BCR: variants seen among roughly 807,000 people sequenced by gnomAD.
BCR encodes BCR activator of RhoGEF and GTPase, also known as breakpoint cluster region protein.
Under a neutral mutation model 138.6 loss-of-function variants are expected in BCR, and 58 were observed. The ratio of observed to expected loss-of-function variants is 0.42; its 90% confidence interval spans 0.34 to 0.52. The LOEUF (loss-of-function observed/expected upper bound fraction) is 0.52. Among genes scored for constraint, BCR ranks in the 20% least tolerant of loss-of-function variants. The pLI is 0.06. For synonymous variants in BCR, 786 were observed against 730.1 expected, an observed-to-expected ratio of 1.08 and a Z score of -1.23; for missense variants, 1,599 against 1,727.2, an observed-to-expected ratio of 0.93 and a Z score of 1.32.
chr22:23,266,514 C>G (rs1167639544), intron 4 of BCR, among the ~76,000 whole-genome samples: 3 of 152,106 alleles, frequency 2.0e-5, no homozygotes, highest in South Asian at 2.1e-4. Context: ...CTCAGCCTCC[C>G]GAGTGGCTGG....
At chr22:23,286,542 C>T (rs1207897173) in intron 10 of BCR, among the ~76,000 whole-genome samples, 3 of 152,150 alleles carry the variant, frequency 2.0e-5, no homozygotes, top group Non-Finnish European at 4.4e-5. Context: ...GCAGCTGAGC[C>T]CTATTGACTG....
At chr22:23,211,586 A>G (rs1003486556) in intron 1 of BCR, among the ~76,000 whole-genome samples, 20 of 151,930 alleles carry the variant, frequency 1.3e-4, no homozygotes, top group African/African-American at 4.4e-4. Flanking sequence ...GCCGGGTTCA[A>G]GGATTCTCCT....
chr22:23,310,106 G>T, intron 17 of BCR: 2 of 510,194 alleles, frequency 3.9e-6, no homozygotes, highest in Non-Finnish European at 3.7e-6. Flanking sequence ...GATTTTAGGA[G>T]GTGCTTCTGC....
intron 4 of BCR, chr22:23,263,930 AC>A: frequency 1.1e-6 from 1 of 928,358 alleles, no homozygotes; most frequent in Non-Finnish European, 1.8e-6. Flanking sequence ...GGCACTTCTC[AC>A]CCCTGAAAAT....
At chr22:23,263,093 A>T in intron 4 of BCR, 2 of 703,286 alleles carry the variant, frequency 2.8e-6, no homozygotes, top group Non-Finnish European at 4.6e-6. Flanking sequence ...TACAAGGACA[A>T]GGAGGTCAGG....
chr22:23,240,771 A>G (rs1411337041), intron 1 of BCR, among the ~76,000 whole-genome samples: 3 of 152,158 alleles, frequency 2.0e-5, no homozygotes, highest in African/African-American at 7.2e-5. Context: ...ACCTGTCACT[A>G]CTGTCCATCT....
At chr22:23,273,047 T>C in intron 6 of BCR, 34 bp from the exon 7 acceptor site, 2 of 1,608,422 alleles carry the variant, frequency 1.2e-6, no homozygotes, top group East Asian at 2.2e-5. Context: ...CTTCTCCATG[T>C]GCAACCTCTC....
intron 1 of BCR, among the ~76,000 whole-genome samples, chr22:23,197,242 C>CAATA (rs1223639727): frequency 1.3e-5 from 2 of 152,152 alleles, no homozygotes; most frequent in African/African-American, 4.8e-5. Flanking sequence ...AGCCTAGGAG[C>CAATA]AATAGGCTGT....
intron 1 of BCR, among the ~76,000 whole-genome samples, chr22:23,215,540 C>A (rs2072741748): frequency 6.6e-6 from 1 of 152,228 alleles, no homozygotes; most frequent in Admixed American, 6.5e-5. Flanking sequence ...GCCAAGGGAG[C>A]TTGAGCCAGC....
rs921031006 is a variant in BCR, at chr22:23,208,757, A to G, written c.1279+26518A>G. Among the ~76,000 whole-genome samples, 13 of 152,316 alleles carry G rather than the reference A, an allele frequency of 8.5e-5. No individual in the cohort carries two copies. The East Asian group carries it at 2.3e-3, about 27-fold the overall frequency. ...GTAATCCCAGCTCCTCAGGAGGCTGAGGCAGGAGAATCGCTTGAACCCGGG... is the reference window on the plus strand; with the variant it reads ...GTAATCCCAGCTCCTCAGGAGGCTGGGGCAGGAGAATCGCTTGAACCCGGG... On this transcript the variant is annotated intron_variant, in intron 1 of 22. Coordinates refer to ENST00000305877, the MANE Select transcript of BCR (RefSeq NM_004327.4).
intron 1 of BCR, among the ~76,000 whole-genome samples, chr22:23,196,201 A>G (rs1056050944): frequency 5.9e-5 from 9 of 152,154 alleles, no homozygotes; most frequent in African/African-American, 2.2e-4. Flanking sequence ...GAAAACACTG[A>G]TCTTCAGGAG....
At position 23,181,845 on chromosome 22, in the gene BCR, G is replaced by A. The variant is rs1438478147; in HGVS notation, c.885G>A (p.Pro295=). Residue 295 remains proline, a synonymous_variant, in exon 1 of 23, where the codon CCG becomes CCA. Coordinates refer to ENST00000305877, the MANE Select transcript of BCR (RefSeq NM_004327.4). ...TGATGGAAGGGGAGGGCAAGGGCCCGCTCCTGCGCAGCCAGAGCACCTCTG... is the reference window on the plus strand; with the variant it reads ...TGATGGAAGGGGAGGGCAAGGGCCCACTCCTGCGCAGCCAGAGCACCTCTG... The part of the protein sequence containing the change: ...GGMMEGEGKG[P]LLRSQSTSEQ... 6.8e-6 allele frequency: 11 copies of A among 1,612,074 alleles called. No homozygotes were observed. The highest frequency in any genetic ancestry group is 3.3e-4 in the Middle Eastern group (2 of 6,082).
At chr22:23,210,465 T>G (rs114632309) in intron 1 of BCR, among the ~76,000 whole-genome samples, 1 of 151,968 alleles carries the variant, frequency 6.6e-6, no homozygotes, top group African/African-American at 2.4e-5. Flanking sequence ...TGTCATGATG[T>G]CATTTGATGG....
intron 1 of BCR, among the ~76,000 whole-genome samples, chr22:23,233,776 C>T (rs550183549): frequency 8.1e-5 from 11 of 136,252 alleles, no homozygotes; most frequent in Non-Finnish European, 1.1e-4. Flanking sequence ...GGTGACAGAG[C>T]GAGACCCTGT....
chr22:23,200,064 G>T (rs2072533889), intron 1 of BCR, among the ~76,000 whole-genome samples: 1 of 151,210 alleles, frequency 6.6e-6, no homozygotes, highest in African/African-American at 2.4e-5. Context: ...TCCAGCCTGG[G>T]TGACAGAGCA....
At chr22:23,238,060 G>A (rs1468600872) in intron 1 of BCR, among the ~76,000 whole-genome samples, 1 of 151,860 alleles carries the variant, frequency 6.6e-6, no homozygotes, top group East Asian at 1.9e-4. Flanking sequence ...AGGGAGCGTG[G>A]GTGGAGAGTG....
chr22:23,223,918 G>A (rs538369216), intron 1 of BCR, among the ~76,000 whole-genome samples: 34 of 152,216 alleles, frequency 2.2e-4, no homozygotes, highest in South Asian at 1.2e-3. Context: ...ATGGGGAGCC[G>A]CCTCTTCCTG....
At chr22:23,204,657 G>A (rs911763906) in intron 1 of BCR, among the ~76,000 whole-genome samples, 2 of 152,214 alleles carry the variant, frequency 1.3e-5, no homozygotes, top group Admixed American at 6.5e-5. Flanking sequence ...TTTGCTGGCT[G>A]ATTTGTTGTC....
chr22:23,183,905 A>G (rs576357340), intron 1 of BCR, among the ~76,000 whole-genome samples: 1 of 152,296 alleles, frequency 6.6e-6, no homozygotes, highest in Admixed American at 6.5e-5. Flanking sequence ...TATAGGAATT[A>G]TTATAGAGGG....
Sources: allele counts gnomAD v4.1 joint callset (sites outside exome capture counted in the v4.1 genomes callset), GRCh38; gene constraint gnomAD v4.1.1; transcripts MANE v1.5; gene names NCBI Gene and HGNC (gene_info 2026-07-23, HGNC 2026-07-21).